SOD2: variants seen among roughly 807,000 people sequenced by gnomAD.
The protein encoded by SOD2 is superoxide dismutase 2.
Under a neutral mutation model 27.0 loss-of-function variants are expected in SOD2, and 11 were observed. The observed-to-expected ratio is 0.41, with a 90% CI of 0.26 to 0.67. The LOEUF (loss-of-function observed/expected upper bound fraction) is 0.67, where lower values mean the gene tolerates loss of function less well. SOD2 is among the 30% of genes least tolerant of loss of function. SOD2 has a pLI of 0.34. For missense variants in SOD2, 250 were observed against 274.5 expected, an observed-to-expected ratio of 0.91 and a Z score of 0.63; for synonymous variants, 105 against 103.0, an observed-to-expected ratio of 1.02 and a Z score of -0.12.
At chr6:159,708,661 G>A (rs962030508) in intron 1 of SOD2, among the ~76,000 whole-genome samples, 1 of 152,164 alleles carries the variant, frequency 6.6e-6, no homozygotes, top group South Asian at 2.1e-4. Flanking sequence ...TCATGGATGG[G>A]AAGAATCAAT....
chr6:159,719,749 A>G (rs1777995076), intron 1 of SOD2, among the ~76,000 whole-genome samples: 2 of 127,428 alleles, frequency 1.6e-5, no homozygotes, highest in Non-Finnish European at 1.6e-5. Flanking sequence ...TTTTTGAGAG[A>G]GTCTTATTCT....
At chr6:159,753,708 ATTG>A (rs1184482924) in intron 1 of SOD2, 13 of 1,425,102 alleles carry the variant, frequency 9.1e-6, no homozygotes, top group South Asian at 5.6e-5. Flanking sequence ...GATTCTGTAC[ATTG>A]TTAACCTCTG....
chr6:159,727,288 G>A (rs943960716), exon 1 of SOD2: 6 of 1,282,602 alleles, frequency 4.7e-6, no homozygotes, highest in Non-Finnish European at 4.1e-6. Context: ...GGCGGGGTTC[G>A]GCGGCGGGCG....
At position 159,682,426 on chromosome 6, in the gene SOD2, G is replaced by A. The variant is rs1429279286; in HGVS notation, c.*67C>T. On this transcript the variant is annotated 3_prime_UTR_variant, in exon 5 of 5. Coordinates refer to ENST00000538183, the MANE Select transcript of SOD2 (RefSeq NM_000636.4). Reference sequence around the variant, plus strand: ...ACAATAGAGCAGCTTACTGTATTCTGCAGTACTCTATACCACTACAAAAAC... The same window carrying A: ...ACAATAGAGCAGCTTACTGTATTCTACAGTACTCTATACCACTACAAAAAC... 26 of 1,373,904 alleles carry A rather than the reference G, an allele frequency of 1.9e-5. No individual in the cohort carries two copies. The East Asian group carries it at 5.8e-4, about 31-fold the overall frequency. The allele number at this position is 1,373,904 out of a possible 1,614,324, so 85.1% of individuals were successfully genotyped here. A position where few individuals can be genotyped will look rare whatever the true frequency, so the allele number is the denominator to read the frequency against.
chr6:159,733,920 A>G (rs1778747522), intron 1 of SOD2, among the ~76,000 whole-genome samples: 1 of 152,216 alleles, frequency 6.6e-6, no homozygotes, highest in Admixed American at 6.5e-5. Flanking sequence ...CCATCTCCAA[A>G]AAAAAAGATT....
upstream of SOD2, among the ~76,000 whole-genome samples, chr6:159,731,597 T>C (rs1463741320): frequency 2.0e-5 from 3 of 152,248 alleles, no homozygotes; most frequent in Admixed American, 2.0e-4. Context: ...ATCCTCAACC[T>C]GTGGATTATC....
upstream of SOD2, among the ~76,000 whole-genome samples, chr6:159,746,487 T>C (rs1300307642): frequency 6.6e-6 from 1 of 152,190 alleles, no homozygotes; most frequent in East Asian, 1.9e-4. Context: ...TTTGTGTAGA[T>C]CTTTTGTTTG....
intron 1 of SOD2, among the ~76,000 whole-genome samples, chr6:159,716,439 G>A (rs79897961): frequency 1.8e-3 from 281 of 152,256 alleles, no homozygotes; most frequent in Middle Eastern, 3.4e-3. Context: ...CCTAGTAAGA[G>A]ACAACAAGGA....
chr6:159,685,844 T>C (rs770597060), intron 3 of SOD2, among the ~76,000 whole-genome samples: 1 of 152,194 alleles, frequency 6.6e-6, no homozygotes, highest in African/African-American at 2.4e-5. Context: ...GTAGTTCACA[T>C]TTTTTAATGA....
rs78802430 is a variant in SOD2 at position 159,703,390 on chromosome 6, G to C, written c.-115-10527C>G. On this transcript the variant is annotated intron_variant, in intron 1 of 2. Transcript: ENST00000401980. Reference sequence around the variant, plus strand: ...AAAGAAAGCAGCTTACTACATGGAAGTTGAGGCTTTACCTCTTTTTTTTTT... The same window carrying C: ...AAAGAAAGCAGCTTACTACATGGAACTTGAGGCTTTACCTCTTTTTTTTTT... Among the ~76,000 whole-genome samples, 570 of 136,092 alleles carry C rather than the reference G, an allele frequency of 4.2e-3. 6 individuals are homozygous for C. The highest frequency in any genetic ancestry group is 0.015 in the African/African-American group (549 of 37,002). The allele number at this position is 136,092 out of a possible 152,430, so 89.3% of individuals were successfully genotyped here. A position where few individuals can be genotyped will look rare whatever the true frequency, so the allele number is the denominator to read the frequency against.
In SOD2 at chr6:159,755,405, G is replaced by T. The variant is rs373161821; in HGVS notation, c.-336+5632C>A. On this transcript the variant is annotated intron_variant, in intron 1 of 7. Transcript: ENST00000546087. The stretch of plus-strand genomic sequence containing the variant: ...AACTGGCAGAGGAGGTAGTGGTTAC[G>T]TAAATCAACTCAGTGCGGGGTATGA... 1.9e-6 allele frequency: 3 copies of T among 1,614,040 alleles called. No individual in the cohort carries two copies. The African/African-American group carries it at 4.0e-5, about 22-fold the overall frequency.
At chr6:159,759,069 T>A (rs926737980) in intron 1 of SOD2, among the ~76,000 whole-genome samples, 2 of 151,484 alleles carry the variant, frequency 1.3e-5, no homozygotes, top group African/African-American at 4.8e-5. Context: ...ATTTCTTTTT[T>A]TTTTTTTGAG....
intron 1 of SOD2, among the ~76,000 whole-genome samples, chr6:159,712,151 G>C (rs548122761): frequency 3.5e-5 from 1 of 28,368 alleles, no homozygotes. Context: ...CCACCACTCA[G>C]CTGCTCTGAC....
chr6:159,704,066 A>G (rs1435695534), intron 1 of SOD2, among the ~76,000 whole-genome samples: 1 of 152,232 alleles, frequency 6.6e-6, no homozygotes, highest in African/African-American at 2.4e-5. Context: ...CATGCAGATC[A>G]TGAGGTCAAG....
rs1779813706 is a variant in SOD2 at position 159,677,889 on chromosome 6, T to C, written c.*4604A>G. 6.6e-6 allele frequency: 1 copy of C among 152,220 alleles called. No individual in the cohort carries two copies. Among genetic ancestry groups the C allele is most frequent in the Admixed American group, 6.5e-5 (1 of 15,284 alleles). 9.4% of individuals were successfully genotyped at this position (152,220 alleles called of 1,614,324 possible). A position where few individuals can be genotyped will look rare whatever the true frequency, so the allele number is the denominator to read the frequency against. ...CTCTTGGCTCCTAAACCCCTTGAAG[T>C]ATCTTTGGTTTGCCAATGAAATGAT... On this transcript the variant is annotated 3_prime_UTR_variant, in exon 5 of 5. Coordinates refer to ENST00000538183, the MANE Select transcript of SOD2 (RefSeq NM_000636.4).
Position 159,678,713 on chromosome 6 carries a change from G to A in SOD2, c.*3780C>T, listed in dbSNP as rs947392383. The A allele has an allele frequency of 6.6e-6, 1 of 152,194 alleles. No homozygotes were observed. The highest frequency in any genetic ancestry group is 2.4e-5 in the African/African-American group (1 of 41,458). 9.4% of individuals were successfully genotyped at this position (152,194 alleles called of 1,614,324 possible). ...AGGGTCACGGGAACCCCACTTTATA[G>A]CCAGTCAGAAGTATAGGGACTTGCG... On this transcript the variant is annotated 3_prime_UTR_variant, in exon 5 of 5. Coordinates refer to ENST00000538183, the MANE Select transcript of SOD2 (RefSeq NM_000636.4).
chr6:159,710,460 AAAAG>A (rs1338415305), intron 1 of SOD2, among the ~76,000 whole-genome samples: 8 of 151,998 alleles, frequency 5.3e-5, no homozygotes, highest in African/African-American at 1.5e-4. Context: ...AAAAAGAGGA[AAAAG>A]AAAGACGACA....
chr6:159,707,367 T>TAG (rs1777647211), intron 1 of SOD2, among the ~76,000 whole-genome samples: 1 of 152,068 alleles, frequency 6.6e-6, no homozygotes, highest in African/African-American at 2.4e-5. Context: ...GATAGACCAC[T>TAG]AGCAAGACTA....
intron 1 of SOD2, among the ~76,000 whole-genome samples, chr6:159,702,599 A>C (rs1398294614): frequency 6.8e-6 from 1 of 148,054 alleles, no homozygotes; most frequent in Admixed American, 6.8e-5. Context: ...TGCCCAGCCT[A>C]TAAACAATTT....
Sources: gnomAD v4.1 joint callset for allele counts (sites outside exome capture counted in the v4.1 genomes callset) on GRCh38, gnomAD v4.1.1 for gene constraint, MANE v1.5 for transcripts, NCBI Gene and HGNC (gene_info 2026-07-23, HGNC 2026-07-21) for gene names.